Variants in LNX1 observed in about 807,000 individuals in gnomAD.
The protein encoded by LNX1 is E3 ubiquitin-protein ligase LNX.
Under a neutral mutation model 68.4 loss-of-function variants are expected in LNX1, and 54 were observed. The ratio of observed to expected loss-of-function variants is 0.79; its 90% CI spans 0.63 to 0.99. The LOEUF is 0.99. Ranked by LOEUF, LNX1 falls within the 50% of genes least tolerant of loss-of-function variation. The pLI, the probability that LNX1 is intolerant of heterozygous loss-of-function variation, is 0.00. For missense variants in LNX1, 906 were observed against 926.4 expected (o/e 0.98, Z 0.29); for synonymous variants, 336 against 350.0 (o/e 0.96, Z 0.45).
Position 53,469,594 on chromosome 4 carries a change from CA to C in LNX1, c.1892+7158del, listed in dbSNP as rs1273383176. Among the ~76,000 whole-genome samples, 6 of 152,054 alleles carry C rather than the reference CA, an allele frequency of 3.9e-5. No homozygotes were observed. The South Asian group carries it at 1.0e-3, about 26-fold the overall frequency. On this transcript the variant is annotated intron_variant, in intron 9 of 10. Transcript: ENST00000263925. Reference sequence around the variant, plus strand: ...ATCAACAAAATTGATAGACTGCTAGCAAGACTAATAAAGAAGAAAAGAGAGA... The same window carrying C: ...ATCAACAAAATTGATAGACTGCTAGCAGACTAATAAAGAAGAAAAGAGAGA...
chr4:53,516,203 C>T (rs1232238892), intron 2 of LNX1, among the ~76,000 whole-genome samples: 1 of 152,238 alleles, frequency 6.6e-6, no homozygotes, highest in African/African-American at 2.4e-5. Context: ...GACTGGGCTA[C>T]TGCACTCCAG....
intron 2 of LNX1, among the ~76,000 whole-genome samples, chr4:53,522,013 T>A (rs1418539746): frequency 1.3e-5 from 2 of 152,158 alleles, no homozygotes; most frequent in East Asian, 3.9e-4. Context: ...CAGGCTGGTC[T>A]TGAATTTCTA....
intron 1 of LNX1, among the ~76,000 whole-genome samples, chr4:53,625,835 A>G (rs1734050261): frequency 8.5e-6 from 1 of 117,014 alleles, no homozygotes; most frequent in African/African-American, 3.2e-5. Context: ...TGACCCAGCA[A>G]TTCCACCCCG....
In LNX1 at chr4:53,508,180, C is replaced by A; in HGVS notation, c.428G>T (p.Arg143Leu). The A allele has an allele frequency of 4.3e-6, 7 of 1,614,148 alleles. No homozygotes were observed. The highest frequency in any genetic ancestry group is 5.1e-6 in the Non-Finnish European group (6 of 1,180,008). Residue 143 changes from arginine to leucine, a missense_variant, in exon 3 of 11, where the codon CGC becomes CTC. By Grantham distance (102) the Arg-to-Leu change is moderately radical. Coordinates refer to ENST00000263925, the MANE Select transcript of LNX1 (RefSeq NM_001126328.3). ...HYGLTKDRKRRSQDGCPDGCA... is the reference protein window; with the variant it reads ...HYGLTKDRKRLSQDGCPDGCA... ...GCCGTCTGGACAGCCATCTTGTGAG[C>A]GCCTCTTCCTATCTTTGGTCAGGCC...
chr4:53,592,846 A>C (rs1314126773), upstream of LNX1: 3 of 152,174 alleles, frequency 2.0e-5, no homozygotes, highest in Non-Finnish European at 4.4e-5. Flanking sequence ...ATAGCTCGCA[A>C]AGCAAGGGGG....
chr4:53,521,068 C>T lies in LNX1; in HGVS notation c.381-12841G>A, dbSNP rs182635356. ...GAAACTGGGCTATGGATCAACGGTGCTTTCTATTTCAGGACTGACTAGGAA... is the reference window on the plus strand; with the variant it reads ...GAAACTGGGCTATGGATCAACGGTGTTTTCTATTTCAGGACTGACTAGGAA... On this transcript the variant is annotated intron_variant, in intron 2 of 10. Coordinates refer to ENST00000263925, the MANE Select transcript of LNX1 (RefSeq NM_001126328.3). Among the ~76,000 whole-genome samples the T allele has an allele frequency of 1.1e-3, 171 of 152,276 alleles. 1 individual carries two copies. The highest frequency in any genetic ancestry group is 3.4e-3 in the Middle Eastern group (1 of 294).
chr4:53,572,363 A>G (rs899855014), intron 2 of LNX1, among the ~76,000 whole-genome samples: 4 of 152,188 alleles, frequency 2.6e-5, no homozygotes, highest in Admixed American at 2.6e-4. Context: ...CCTGAGGTGG[A>G]AGCATCTGGC....
chr4:53,486,918 T>C (rs941261392), intron 6 of LNX1, among the ~76,000 whole-genome samples: 1 of 150,514 alleles, frequency 6.6e-6, no homozygotes, highest in African/African-American at 2.5e-5. Context: ...AAAAACATAG[T>C]CCAGAAGCCT....
chr4:53,609,115 A>G (rs532970919), intron 2 of LNX1, among the ~76,000 whole-genome samples: 4 of 152,254 alleles, frequency 2.6e-5, no homozygotes, highest in Admixed American at 6.5e-5. Flanking sequence ...CACTCCTACA[A>G]CTATCTGATG....
intron 1 of LNX1, among the ~76,000 whole-genome samples, chr4:53,583,304 A>C (rs905821852): frequency 7.9e-5 from 12 of 152,186 alleles, no homozygotes; most frequent in African/African-American, 2.7e-4. Flanking sequence ...ATGGAATAAA[A>C]TTATCTTCAA....
chr4:53,463,935 T>C (rs1448709984), intron 9 of LNX1, among the ~76,000 whole-genome samples: 1 of 152,118 alleles, frequency 6.6e-6, no homozygotes, highest in Non-Finnish European at 1.5e-5. Context: ...AGAGCCTCTT[T>C]CCTAAGAAAA....
chr4:53,559,467 C>T lies in LNX1; in HGVS notation c.380+14156G>A, dbSNP rs149303829. Among the ~76,000 whole-genome samples the T allele has an allele frequency of 2.9e-3, 445 of 152,214 alleles. 2 individuals carry two copies. Among genetic ancestry groups the T allele is most frequent in the African/African-American group, 0.01 (417 of 41,542 alleles). On this transcript the variant is annotated intron_variant, in intron 2 of 10. Transcript: ENST00000263925. The stretch of plus-strand genomic sequence containing the variant: ...GAAGCTTGAGGTTAGAGTTCTAGCT[C>T]TGCTGCATACTAGCTGTATGACAGT...
In LNX1 at chr4:53,472,253, T is replaced by C. The variant is rs567121786; in HGVS notation, c.1892+4500A>G. ...ATTGCAAGGACAAAAAACCAAATAC[T>C]GCATATTCTCACTCATAGGTGGGAA... is the stretch of plus-strand genomic sequence containing the variant. On this transcript the variant is annotated intron_variant, in intron 9 of 10. Coordinates refer to ENST00000263925, the MANE Select transcript of LNX1 (RefSeq NM_001126328.3). Among the ~76,000 whole-genome samples, 1,406 of 151,704 alleles carry C rather than the reference T, an allele frequency of 9.3e-3. 20 individuals carry two copies. The highest frequency in any genetic ancestry group is 0.033 in the African/African-American group (1,343 of 41,294).
chr4:53,650,119 G>A (rs1735037517), intron 1 of LNX1, among the ~76,000 whole-genome samples: 1 of 152,164 alleles, frequency 6.6e-6, no homozygotes, highest in Non-Finnish European at 1.5e-5. Context: ...GCTTCTTCAG[G>A]CCTGATGCTG....
chr4:53,605,648 T>A (rs1733199263), intron 2 of LNX1, among the ~76,000 whole-genome samples: 1 of 152,220 alleles, frequency 6.6e-6, no homozygotes, highest in African/African-American at 2.4e-5. Context: ...CATGTTTTTT[T>A]TAAAATTCCA....
chr4:53,544,634 G>A (rs1372239059), intron 2 of LNX1, among the ~76,000 whole-genome samples: 6 of 152,236 alleles, frequency 3.9e-5, no homozygotes, highest in Non-Finnish European at 8.8e-5. Flanking sequence ...CAGCACTGCT[G>A]CCCAGTACCA....
intron 2 of LNX1, chr4:53,539,363 T>C (rs1379489955): frequency 2.2e-5 from 3 of 138,390 alleles, no homozygotes; most frequent in Non-Finnish European, 4.7e-5. Context: ...AGTTTCTCTT[T>C]ATTGTATTAG....
intron 1 of LNX1, among the ~76,000 whole-genome samples, chr4:53,577,239 A>G (rs938791550): frequency 1.3e-5 from 2 of 152,236 alleles, no homozygotes; most frequent in African/African-American, 4.8e-5. Flanking sequence ...TCTACAATCT[A>G]TAGGGGAAAA....
At chr4:53,476,455 T>C (rs1723566540) in intron 9 of LNX1, among the ~76,000 whole-genome samples, 1 of 152,180 alleles carries the variant, frequency 6.6e-6, no homozygotes, top group Non-Finnish European at 1.5e-5. Flanking sequence ...CCTCTGCCTG[T>C]CTGTGGAGCT....
Sources: allele counts gnomAD v4.1 joint callset (sites outside exome capture counted in the v4.1 genomes callset), GRCh38; gene constraint gnomAD v4.1.1; transcripts MANE v1.5; gene names NCBI Gene and HGNC (gene_info 2026-07-23, HGNC 2026-07-21).